Variants in YEATS2 observed in about 807,000 individuals in gnomAD.
The protein encoded by YEATS2 is YEATS domain-containing protein 2.
YEATS2 carries 77 observed loss-of-function variants against 163.2 expected under a neutral mutation model. The ratio of observed to expected loss-of-function variants is 0.47; its 90% CI spans 0.39 to 0.57. The LOEUF is 0.57. Among genes scored for constraint, YEATS2 ranks in the 20% least tolerant of loss-of-function variants. YEATS2 has a pLI of 0.00. For missense variants in YEATS2, 1,549 were observed against 1,729.8 expected, an observed-to-expected ratio of 0.90 and a Z score of 1.85; for synonymous variants, 631 against 645.1, an observed-to-expected ratio of 0.98 and a Z score of 0.33.
intron 15 of YEATS2, among the ~76,000 whole-genome samples, chr3:183,768,329 T>G (rs262956): frequency 0.74 from 111,779 of 152,070 alleles, 42,202 homozygotes; most frequent in East Asian, 0.96. Context: ...CGAAAGTCGC[T>G]CTCACTTCTG....
intron 7 of YEATS2, among the ~76,000 whole-genome samples, chr3:183,730,340 T>C (rs1463248839): frequency 6.6e-6 from 1 of 152,044 alleles, no homozygotes; most frequent in African/African-American, 2.4e-5. Context: ...GCTGAGATTA[T>C]AGGCATGAGC....
Position 183,786,229 on chromosome 3 carries a change from A to G in YEATS2, c.2841A>G (p.Arg947=). 8.1e-6 allele frequency: 13 copies of G among 1,614,154 alleles called. No homozygotes were observed. The highest frequency in any genetic ancestry group is 1.1e-5 in the Non-Finnish European group (13 of 1,180,012). The change falls in exon 20 of 31, where the codon AGA becomes AGG. Residue 947 remains arginine (R), a synonymous_variant. Transcript: ENST00000305135. ...CGAAGCCTGGAACCACAATGCTGAGAGTAGCAGGAGGGGTTATCACAACTG... is the reference window on the plus strand; with the variant it reads ...CGAAGCCTGGAACCACAATGCTGAGGGTAGCAGGAGGGGTTATCACAACTG... The part of the protein sequence containing the change: ...QLSKPGTTML[R]VAGGVITTAT...
intron 8 of YEATS2, among the ~76,000 whole-genome samples, chr3:183,740,446 G>T (rs917772090): frequency 1.3e-5 from 2 of 152,214 alleles, no homozygotes; most frequent in Non-Finnish European, 2.9e-5. Context: ...GAAATTAAAA[G>T]TGCTACTCCA....
intron 15 of YEATS2, among the ~76,000 whole-genome samples, chr3:183,768,542 T>G (rs1215260040): frequency 1.4e-5 from 2 of 142,582 alleles, no homozygotes; most frequent in African/African-American, 5.5e-5. Context: ...TTAAGAAGGG[T>G]TTTTTTTTTC....
At chr3:183,704,340 A>G (rs1329307331) in intron 1 of YEATS2, among the ~76,000 whole-genome samples, 1 of 151,896 alleles carries the variant, frequency 6.6e-6, no homozygotes, top group Non-Finnish European at 1.5e-5. Context: ...GCTGGATTGG[A>G]TTTGTATGTG....
At chr3:183,719,994 C>T (rs1299345514) in intron 4 of YEATS2, among the ~76,000 whole-genome samples, 1 of 152,078 alleles carries the variant, frequency 6.6e-6, no homozygotes, top group African/African-American at 2.4e-5. Flanking sequence ...ACTTTTTCAT[C>T]CTGTTTTCTT....
chr3:183,793,338 T>C, intron 21 of YEATS2: 1 of 1,091,404 alleles, frequency 9.2e-7, no homozygotes. Context: ...TTAAGGCTGA[T>C]TATATTTTTC....
At chr3:183,808,549 T>G (rs988922180) in intron 29 of YEATS2, among the ~76,000 whole-genome samples, 1 of 152,216 alleles carries the variant, frequency 6.6e-6, no homozygotes, top group African/African-American at 2.4e-5. Flanking sequence ...CCGTAACAAC[T>G]GCTTTCCTTA....
At chr3:183,758,765 TA>T in intron 12 of YEATS2, 96 bp from the exon 13 acceptor site, 1 of 887,670 alleles carries the variant, frequency 1.1e-6, no homozygotes, top group Non-Finnish European at 1.8e-6. Flanking sequence ...ACATGAAAAA[TA>T]AATAGTGCGA....
rs1473934430 is a variant in YEATS2 at position 183,810,484 on chromosome 3, A to G, written c.4170A>G (p.Lys1390=). Reference sequence around the variant, plus strand: ...TTGTTTTTTGGACCAGGATTCCCAAAGAAATTACAGTGAGTAATATTCACC... The same window carrying G: ...TTGTTTTTTGGACCAGGATTCCCAAGGAAATTACAGTGAGTAATATTCACC... ...YQTASHNRIP[K]EITVSNIHQA... The change falls in exon 31 of 31, where the codon AAA becomes AAG. Residue 1390 remains lysine (K), a synonymous_variant. Coordinates refer to ENST00000305135, the MANE Select transcript of YEATS2 (RefSeq NM_018023.5). The G allele has an allele frequency of 6.2e-7, 1 of 1,613,914 alleles. No individual in the cohort carries two copies. The highest frequency in any genetic ancestry group is 1.3e-5 in the African/African-American group (1 of 74,942).
At chr3:183,760,325 T>G (rs1721212163) in intron 13 of YEATS2, among the ~76,000 whole-genome samples, 1 of 146,422 alleles carries the variant, frequency 6.8e-6, no homozygotes, top group Non-Finnish European at 1.5e-5. Flanking sequence ...TTTTTTTTTT[T>G]TTTTTTTTTT....
chr3:183,778,615 G>A (rs748511855), intron 19 of YEATS2, among the ~76,000 whole-genome samples: 7 of 152,040 alleles, frequency 4.6e-5, no homozygotes, highest in Non-Finnish European at 1.0e-4. Flanking sequence ...CTCGGCCTCC[G>A]AAAGTGCTGG....
intron 1 of YEATS2, among the ~76,000 whole-genome samples, chr3:183,708,363 T>C (rs1403137302): frequency 6.6e-6 from 1 of 152,064 alleles, no homozygotes; most frequent in African/African-American, 2.4e-5. Context: ...GGTTTCACCA[T>C]GTTGTTGGCC....
At chr3:183,736,887 G>T in intron 8 of YEATS2, 58 bp downstream of exon 8, 1 of 1,479,240 alleles carries the variant, frequency 6.8e-7, no homozygotes, top group Non-Finnish European at 9.3e-7. Context: ...AGCTACAATT[G>T]ATCCTTGAAT....
Position 183,736,769 on chromosome 3 carries a change from A to T in YEATS2, c.864A>T (p.Arg288Ser). The stretch of plus-strand genomic sequence containing the variant: ...GAGGCTGGGGTGAGTTTCCCGTCAG[A>T]GTTCAAGTTCATTTTAAGGACAGCC... ...TRRGWGEFPV[R>S]VQVHFKDSQN... is the part of the protein sequence containing the mutation. Residue 288 changes from arginine to serine, a missense_variant, in exon 8 of 31, where the codon AGA becomes AGT. Arg to Ser is a moderately radical substitution (Grantham distance 110). Coordinates refer to ENST00000305135, the MANE Select transcript of YEATS2 (RefSeq NM_018023.5). The T allele has an allele frequency of 6.2e-7, 1 of 1,614,074 alleles. No individual in the cohort carries two copies. Among genetic ancestry groups the T allele is most frequent in the South Asian group, 1.1e-5 (1 of 91,060 alleles).
intron 16 of YEATS2, 138 bp from the exon 17 acceptor site, chr3:183,773,495 T>G (rs1187824699): frequency 7.3e-6 from 6 of 817,136 alleles, no homozygotes; most frequent in African/African-American, 1.7e-5. Flanking sequence ...TTTAAAGCAT[T>G]GTGCATCTGG....
At position 183,790,865 on chromosome 3, in the gene YEATS2, AGT is replaced by A. The variant is rs1443333075; in HGVS notation, c.2990_2991del (p.Val997GlufsTer78). On this transcript the variant is annotated frameshift_variant, in exon 21 of 31. Coordinates refer to ENST00000305135, the MANE Select transcript of YEATS2 (RefSeq NM_018023.5). LOFTEE classifies it high-confidence loss of function. ...TAACGAAAACTTCTGGGCAGCAGCA[AGT>A]GTGTGTGAGCCAGGCCACCGTGGGA... ...SVTKTSGQQQ[V>X]CVSQATVGTC... 6.2e-7 allele frequency: 1 copy of A among 1,614,156 alleles called. No homozygotes were observed. The highest frequency in any genetic ancestry group is 1.7e-5 in the Admixed American group (1 of 60,016).
In YEATS2 at chr3:183,806,889, G is replaced by C; in HGVS notation, c.3808G>C (p.Ala1270Pro). 6.2e-7 allele frequency: 1 copy of C among 1,613,922 alleles called. No individual in the cohort carries two copies. The highest frequency in any genetic ancestry group is 8.5e-7 in the Non-Finnish European group (1 of 1,179,916). The part of the protein sequence containing the change: ...EPECPSSFSS[A>P]DNLCRKLEDL... ...AGAGTGCCCATCATCATTCTCCTCT[G>C]CTGACAACCTCTGCCGCAAACTGGA... The change falls in exon 28 of 31, where the codon GCT becomes CCT. Residue 1270 changes from alanine (A) to proline (P), a missense_variant. Transcript: ENST00000305135.
intron 9 of YEATS2, among the ~76,000 whole-genome samples, chr3:183,750,400 G>A (rs1471579048): frequency 2.0e-5 from 3 of 152,194 alleles, no homozygotes; most frequent in African/African-American, 7.2e-5. Flanking sequence ...TAGGTGTACA[G>A]GTATCTATTC....
Sources: gnomAD v4.1 joint callset for allele counts (sites outside exome capture counted in the v4.1 genomes callset) on GRCh38, gnomAD v4.1.1 for gene constraint, MANE v1.5 for transcripts, NCBI Gene and HGNC (gene_info 2026-07-23, HGNC 2026-07-21) for gene names.